The following GREB1L variants were observed in gnomAD, a reference collection of about 807,000 sequenced individuals.
GREB1L encodes GREB1-like protein.
Under a neutral mutation model 200.8 loss-of-function variants are expected in GREB1L, and 17 were observed. The observed-to-expected ratio is 0.08, with a 90% CI of 0.06 to 0.13. GREB1L has a LOEUF of 0.13. Among genes scored for constraint, GREB1L ranks in the 10% least tolerant of loss-of-function variants. The pLI, the probability that GREB1L is intolerant of heterozygous loss-of-function variation, is 1.00. For missense variants in GREB1L, 1,657 were observed against 2,367.7 expected, an observed-to-expected ratio of 0.70 and a Z score of 6.23; for synonymous variants, 789 against 893.0, an observed-to-expected ratio of 0.88 and a Z score of 2.08.
intron 16 of GREB1L, among the ~76,000 whole-genome samples, chr18:21,476,763 G>C (rs929982185): frequency 1.3e-5 from 2 of 150,374 alleles, no homozygotes; most frequent in Admixed American, 6.6e-5. Flanking sequence ...TTTTTTAATA[G>C]AGACGGGGTT....
chr18:21,258,999 A>G (rs1371917385), intron 1 of GREB1L, among the ~76,000 whole-genome samples: 1 of 152,204 alleles, frequency 6.6e-6, no homozygotes, highest in Non-Finnish European at 1.5e-5. Flanking sequence ...TACAATTCAT[A>G]TTGCTTATTA....
intron 1 of GREB1L, among the ~76,000 whole-genome samples, chr18:21,320,718 ATC>A (rs1217538238): frequency 6.6e-6 from 1 of 151,910 alleles, no homozygotes; most frequent in Non-Finnish European, 1.5e-5. Flanking sequence ...GTGAGCTGAG[ATC>A]GCGCCACTGC....
In GREB1L at chr18:21,309,130, G is replaced by A. The variant is rs11876839; in HGVS notation, c.-119-56897G>A. 3.5e-3 allele frequency among the ~76,000 whole-genome samples: 539 copies of A among 152,350 alleles called. 6 individuals are homozygous for A. The highest frequency in any genetic ancestry group is 0.012 in the African/African-American group (498 of 41,576). On this transcript the variant is annotated intron_variant, in intron 1 of 32. Transcript: ENST00000424526. The stretch of plus-strand genomic sequence containing the variant: ...GGATATACTTCAGAAGAAGGAGCCT[G>A]TAGTTAAATAGACTGGGACATTGTC...
chr18:21,382,466 T>A (rs1447830818), intron 2 of GREB1L, among the ~76,000 whole-genome samples: 1 of 151,926 alleles, frequency 6.6e-6, no homozygotes, highest in Non-Finnish European at 1.5e-5. Context: ...CCCAATAAAT[T>A]GTAGTTATTA....
rs182746558 is a variant in GREB1L at position 21,509,923 on chromosome 18, A to G, written c.4735+1332A>G. ...ATCACATAACATAAAATTTACTGCCATGGCCGGGTGCGGTAGCTTACGCCT... is the reference window on the plus strand; with the variant it reads ...ATCACATAACATAAAATTTACTGCCGTGGCCGGGTGCGGTAGCTTACGCCT... On this transcript the variant is annotated intron_variant, in intron 27 of 32. Coordinates refer to ENST00000424526, the MANE Select transcript of GREB1L (RefSeq NM_001142966.3). Among the ~76,000 whole-genome samples, 5 of 152,226 alleles carry G rather than the reference A, an allele frequency of 3.3e-5. No individual in the cohort carries two copies. The East Asian group carries it at 9.7e-4, about 29-fold the overall frequency.
intron 1 of GREB1L, among the ~76,000 whole-genome samples, chr18:21,271,649 CAA>C (rs1191889292): frequency 8.1e-4 from 42 of 51,958 alleles, no homozygotes; most frequent in Admixed American, 8.8e-4. Context: ...GACCCTGTCT[CAA>C]AAAAAAAAAA....
intron 4 of GREB1L, among the ~76,000 whole-genome samples, chr18:21,386,305 T>A (rs1291876388): frequency 2.0e-5 from 3 of 152,202 alleles, no homozygotes; most frequent in Non-Finnish European, 2.9e-5. Context: ...CCTTTTTTTT[T>A]ATTTGAGACG....
At chr18:21,520,966 G>A in intron 32 of GREB1L, 143 bp downstream of exon 32, 1 of 633,140 alleles carries the variant, frequency 1.6e-6, no homozygotes, top group Middle Eastern at 4.6e-4. Flanking sequence ...GGAGGCCGAG[G>A]CGGGTGGATC....
chr18:21,381,699 A>T (rs1472555492), intron 2 of GREB1L, among the ~76,000 whole-genome samples: 3 of 152,192 alleles, frequency 2.0e-5, no homozygotes, highest in African/African-American at 7.2e-5. Flanking sequence ...AAAGACAAAT[A>T]ATATCCTAGT....
intron 2 of GREB1L, among the ~76,000 whole-genome samples, chr18:21,372,565 C>T (rs1230243528): frequency 2.0e-5 from 3 of 152,126 alleles, no homozygotes; most frequent in Non-Finnish European, 2.9e-5. Context: ...CAGAACAATT[C>T]TTCCAGTGTG....
At chr18:21,440,198 CG>C in intron 8 of GREB1L, 70 bp from the exon 9 acceptor site, 1 of 1,450,392 alleles carries the variant, frequency 6.9e-7, no homozygotes. Context: ...ATTACTCTGG[CG>C]TTCTTTCCTT....
chr18:21,314,392 A>G (rs931379428), intron 1 of GREB1L, among the ~76,000 whole-genome samples: 3 of 152,174 alleles, frequency 2.0e-5, no homozygotes, highest in African/African-American at 7.2e-5. Flanking sequence ...CACGAGGTCA[A>G]AAATGATTAA....
intron 28 of GREB1L, among the ~76,000 whole-genome samples, chr18:21,514,571 A>T (rs1483191764): frequency 2.0e-5 from 3 of 152,200 alleles, no homozygotes; most frequent in African/African-American, 7.2e-5. Context: ...AAGACTGCTG[A>T]CATCTCAAAT....
chr18:21,500,642 G>A lies in GREB1L; in HGVS notation c.4072G>A (p.Asp1358Asn), dbSNP rs555435520. Reference sequence around the variant, plus strand: ...GTATGATGAGGAGGAGATCAACACCGGTGAGTGCTGAGCCCAGGGAGTGGG... The same window carrying A: ...GTATGATGAGGAGGAGATCAACACCAGTGAGTGCTGAGCCCAGGGAGTGGG... ...DVYDEEEINT[D>N]HNESSEVSQS... Residue 1358 changes from aspartate (D) to asparagine (N), a missense_variant and splice_region_variant, in exon 23 of 33, where the codon GAT (aspartate) becomes AAT (asparagine). Coordinates refer to ENST00000424526, the MANE Select transcript of GREB1L (RefSeq NM_001142966.3). The A allele has an allele frequency of 2.3e-5, 35 of 1,540,832 alleles. No individual in the cohort carries two copies. Among genetic ancestry groups the A allele is most frequent in the African/African-American group, 1.2e-4 (9 of 72,612 alleles).
chr18:21,426,296 A>G (rs1293860282), intron 7 of GREB1L, among the ~76,000 whole-genome samples: 1 of 152,014 alleles, frequency 6.6e-6, no homozygotes, highest in Non-Finnish European at 1.5e-5. Flanking sequence ...TGACCTCGTG[A>G]TCCGCCTGCC....
At chr18:21,513,755 T>G in intron 27 of GREB1L, 66 bp from the exon 28 acceptor site, 1 of 1,439,806 alleles carries the variant, frequency 6.9e-7, no homozygotes, top group Admixed American at 2.0e-5. Context: ...TAGCTGCCTG[T>G]GGGGCTTCAG....
intron 2 of GREB1L, among the ~76,000 whole-genome samples, chr18:21,379,292 C>T (rs1331384327): frequency 5.3e-5 from 8 of 152,100 alleles, no homozygotes; most frequent in Middle Eastern, 3.2e-3. Context: ...CCACAACCTC[C>T]GCCTCCCGGG....
intron 7 of GREB1L, among the ~76,000 whole-genome samples, chr18:21,434,742 CA>C (rs2033430155): frequency 6.6e-6 from 1 of 151,854 alleles, no homozygotes; most frequent in African/African-American, 2.4e-5. Flanking sequence ...TAGCATGCAT[CA>C]CGTGGTAACT....
chr18:21,252,339 C>G (rs886208957), intron 1 of GREB1L, among the ~76,000 whole-genome samples: 1 of 152,082 alleles, frequency 6.6e-6, no homozygotes, highest in African/African-American at 2.4e-5. Context: ...GGATGGATCA[C>G]CTGAGGTCGG....
Sources: allele counts gnomAD v4.1 joint callset (sites outside exome capture counted in the v4.1 genomes callset), GRCh38; gene constraint gnomAD v4.1.1; transcripts MANE v1.5; gene names NCBI Gene and HGNC (gene_info 2026-07-23, HGNC 2026-07-21).